The following ZNF525 variants were observed in gnomAD, a reference collection of about 807,000 sequenced individuals.
ZNF525 encodes the protein zinc finger protein 525.
Under a neutral mutation model 37.6 loss-of-function variants are expected in ZNF525, and 33 were observed. The ratio of observed to expected loss-of-function variants is 0.88; its 90% CI spans 0.67 to 1.17. ZNF525 has a LOEUF of 1.17. Among genes scored for constraint, ZNF525 ranks in the 50% most tolerant of loss-of-function variants. The pLI is 0.00. For synonymous variants in ZNF525, 170 were observed against 182.3 expected (o/e 0.93, Z 0.54); for missense variants, 449 against 543.1 (o/e 0.83, Z 1.72).
Position 53,383,079 on chromosome 19 carries a change from A to C in ZNF525, c.*1060A>C. On this transcript the variant is annotated 3_prime_UTR_variant, in exon 4 of 4. Transcript: ENST00000474037. ...GGAGAGAACGCTTGCAAGTGTAATA[A>C]ATGTGGCGAGGTTTTTAATCAACAA... 1 of 1,406,172 alleles carries C rather than the reference A, an allele frequency of 7.1e-7. No individual in the cohort carries two copies. The highest frequency in any genetic ancestry group is 1.1e-5 in the South Asian group (1 of 87,032). The allele number at this position is 1,406,172 out of a possible 1,614,324, so 87.1% of individuals were successfully genotyped here. A position where few individuals can be genotyped will look rare whatever the true frequency, so the allele number is the denominator to read the frequency against.
chr19:53,378,919 T>C (rs973104310), intron 3 of ZNF525, among the ~76,000 whole-genome samples: 1 of 152,222 alleles, frequency 6.6e-6, no homozygotes, highest in Non-Finnish European at 1.5e-5. Context: ...TTTTATTGTT[T>C]AATTTGTTTC....
chr19:53,375,272 T>C (rs2085513397), intron 2 of ZNF525, among the ~76,000 whole-genome samples: 2 of 152,170 alleles, frequency 1.3e-5, no homozygotes, highest in Non-Finnish European at 2.9e-5. Context: ...AGATACTGAA[T>C]GTCACTTAGT....
rs962125081 is a variant in ZNF525 at position 53,384,634 on chromosome 19, G to T, written c.*2615G>T. On this transcript the variant is annotated 3_prime_UTR_variant, in exon 4 of 4. Coordinates refer to ENST00000474037, the MANE Select transcript of ZNF525 (RefSeq NM_001348156.2). ...GGAAATTCAACTAATTTTTGGTGCT[G>T]ATACTGTATTGTGCAAATCCACTGA... The T allele has an allele frequency of 6.9e-5, 14 of 203,150 alleles. No individual in the cohort carries two copies. Among genetic ancestry groups the T allele is most frequent in the Non-Finnish European group, 1.2e-4 (12 of 102,146 alleles). 12.6% of individuals were successfully genotyped at this position (203,150 alleles called of 1,614,324 possible). A position where few individuals can be genotyped will look rare whatever the true frequency, so the allele number is the denominator to read the frequency against.
chr19:53,372,341 GA>G (rs1023710612), intron 2 of ZNF525, 45 bp downstream of exon 2: 3 of 761,646 alleles, frequency 3.9e-6, no homozygotes, highest in Non-Finnish European at 7.2e-6. Flanking sequence ...CTTCCTTTCA[GA>G]AATGCTGACC....
At chr19:53,368,125 G>A (rs1340515887) in intron 1 of ZNF525, among the ~76,000 whole-genome samples, 2 of 152,082 alleles carry the variant, frequency 1.3e-5, no homozygotes, top group Admixed American at 1.3e-4. Context: ...AAGAAAGATG[G>A]TCTGATTGTT....
In ZNF525 at chr19:53,376,178, G is replaced by A. The variant is rs550440842; in HGVS notation, c.142+282G>A. 86 of 768,448 alleles carry A rather than the reference G, an allele frequency of 1.1e-4. No individual in the cohort carries two copies. The African/African-American group carries it at 1.3e-3, about 12-fold the overall frequency. 47.6% of individuals were successfully genotyped at this position (768,448 alleles called of 1,614,324 possible). On this transcript the variant is annotated intron_variant, in intron 3 of 3. Transcript: ENST00000474037. Reference sequence around the variant, plus strand: ...GTTGAAGTTGGTCTTGATCTCCTGGGCTCAAGACATCCTCCTCGGCCTCCC... The same window carrying A: ...GTTGAAGTTGGTCTTGATCTCCTGGACTCAAGACATCCTCCTCGGCCTCCC...
Position 53,383,458 on chromosome 19 carries a change from A to G in ZNF525, c.*1439A>G. ...AAATCAAACCTCGAAAGACAGGAGA[A>G]TTCATACTGGAGAGAAACCATAAAA... On this transcript the variant is annotated 3_prime_UTR_variant, in exon 4 of 4. Coordinates refer to ENST00000474037, the MANE Select transcript of ZNF525 (RefSeq NM_001348156.2). The G allele has an allele frequency of 2.9e-6, 3 of 1,023,010 alleles. No homozygotes were observed. In the South Asian group the frequency reaches 3.8e-5, roughly 13 times the overall value. 63.4% of individuals were successfully genotyped at this position (1,023,010 alleles called of 1,614,324 possible).
Position 53,366,122 on chromosome 19 carries a change from A to C in ZNF525, c.-68+363A>C, listed in dbSNP as rs554476820. Among the ~76,000 whole-genome samples, 356 of 151,864 alleles carry C rather than the reference A, an allele frequency of 2.3e-3. 1 individual carries two copies. Among genetic ancestry groups the C allele is most frequent in the Non-Finnish European group, 3.5e-3 (235 of 67,890 alleles). On this transcript the variant is annotated intron_variant, in intron 1 of 3. Coordinates refer to ENST00000474037, the MANE Select transcript of ZNF525 (RefSeq NM_001348156.2). ...TCGCCCTCGTCGGCCCCTAGAGCGC[A>C]GCGTCGCAGCTCCGGTCCCGGGGAG...
Position 53,383,293 on chromosome 19 carries a change from A to T in ZNF525, c.*1274A>T. ...ACAATTCAGTCCTTGTAATTCATAA[A>T]ACAATTCATACTGGAGAGAAACAAG... On this transcript the variant is annotated 3_prime_UTR_variant, in exon 4 of 4. Coordinates refer to ENST00000474037, the MANE Select transcript of ZNF525 (RefSeq NM_001348156.2). 2 of 1,372,478 alleles carry T rather than the reference A, an allele frequency of 1.5e-6. No homozygotes were observed. The highest frequency in any genetic ancestry group is 3.2e-5 in the East Asian group (1 of 30,810). The allele number at this position is 1,372,478 out of a possible 1,614,324, so 85.0% of individuals were successfully genotyped here.
Position 53,381,517 on chromosome 19 carries a change from C to G in ZNF525, c.938C>G (p.Ala313Gly). 1 of 1,280,232 alleles carries G rather than the reference C, an allele frequency of 7.8e-7. No homozygotes were observed. The highest frequency in any genetic ancestry group is 1.1e-6 in the Non-Finnish European group (1 of 876,034). The allele number at this position is 1,280,232 out of a possible 1,614,324, so 79.3% of individuals were successfully genotyped here. A position where few individuals can be genotyped will look rare whatever the true frequency, so the allele number is the denominator to read the frequency against. Residue 313 changes from alanine to glycine, a missense_variant, in exon 4 of 4, where the codon GCC (alanine) becomes GGC (glycine). Around this residue, in one of 2 missense-constraint regions of ZNF525, gnomAD observed 178 missense variants for 161.5 expected, o/e 1.10. Coordinates refer to ENST00000474037, the MANE Select transcript of ZNF525 (RefSeq NM_001348156.2). ...GACAAAGCTTTCAGACACAATTCAGCCCTTCAAAGACATAGGAGAATTCAT... is the reference window on the plus strand; with the variant it reads ...GACAAAGCTTTCAGACACAATTCAGGCCTTCAAAGACATAGGAGAATTCAT... ...ECDKAFRHNSALQRHRRIHTG... is the reference protein window; with the variant it reads ...ECDKAFRHNSGLQRHRRIHTG...
Position 53,386,500 on chromosome 19 carries a change from G to A in ZNF525, c.*4481G>A. 2 of 592,722 alleles carry A rather than the reference G, an allele frequency of 3.4e-6. No homozygotes were observed. Among genetic ancestry groups the A allele is most frequent in the Non-Finnish European group, 3.1e-6 (1 of 325,272 alleles). 36.7% of individuals were successfully genotyped at this position (592,722 alleles called of 1,614,324 possible). A position where few individuals can be genotyped will look rare whatever the true frequency, so the allele number is the denominator to read the frequency against. On this transcript the variant is annotated 3_prime_UTR_variant, in exon 4 of 4. Coordinates refer to ENST00000474037, the MANE Select transcript of ZNF525 (RefSeq NM_001348156.2). ...TCTGGACAGTTGGACATGTTTTATTGGGAATATGTTTTTTCTCTGTAAATT... is the reference window on the plus strand; with the variant it reads ...TCTGGACAGTTGGACATGTTTTATTAGGAATATGTTTTTTCTCTGTAAATT...
chr19:53,381,613 A>T lies in ZNF525; in HGVS notation c.1034A>T (p.His345Leu). Residue 345 changes from histidine (H) to leucine (L), a missense_variant, in exon 4 of 4, where the codon CAT becomes CTT. By Grantham distance (99) the His-to-Leu change is moderately conservative. Transcript: ENST00000474037. ...TFSQKSYLAC[H>L]RSIHTGKKPY... ...AGTCAGAAGTCATACCTTGCATGCC[A>T]TCGTAGCATTCATACTGGAAAGAAA... The T allele has an allele frequency of 9.1e-7, 1 of 1,103,762 alleles. No individual in the cohort carries two copies. Among genetic ancestry groups the T allele is most frequent in the Non-Finnish European group, 1.4e-6 (1 of 713,680 alleles). The allele number at this position is 1,103,762 out of a possible 1,614,324, so 68.4% of individuals were successfully genotyped here. A position where few individuals can be genotyped will look rare whatever the true frequency, so the allele number is the denominator to read the frequency against.
intron 3 of ZNF525, among the ~76,000 whole-genome samples, chr19:53,377,338 T>C (rs2085529510): frequency 6.7e-6 from 1 of 150,082 alleles, no homozygotes; most frequent in East Asian, 2.1e-4. Flanking sequence ...CCACCATGCC[T>C]GGCTAATTTT....
At position 53,382,787 on chromosome 19, in the gene ZNF525, G is replaced by C; in HGVS notation, c.*768G>C. ...ACATCGTTCATACCTTGCAGTTCAC[G>C]GGCGAACTCATGCTGGAGAGAAACC... On this transcript the variant is annotated 3_prime_UTR_variant, in exon 4 of 4. Coordinates refer to ENST00000474037, the MANE Select transcript of ZNF525 (RefSeq NM_001348156.2). The C allele has an allele frequency of 9.3e-7, 1 of 1,079,268 alleles. No homozygotes were observed. 66.9% of individuals were successfully genotyped at this position (1,079,268 alleles called of 1,614,324 possible). A position where few individuals can be genotyped will look rare whatever the true frequency, so the allele number is the denominator to read the frequency against.
rs1555826371 is a variant in ZNF525 at position 53,367,313 on chromosome 19, A to ATT, written c.-68+1564_-68+1565dup. Among the ~76,000 whole-genome samples, 14 of 76,488 alleles carry ATT rather than the reference A, an allele frequency of 1.8e-4. No individual in the cohort carries two copies. The South Asian group carries it at 5.8e-3, about 31-fold the overall frequency. 50.2% of individuals were successfully genotyped at this position (76,488 alleles called of 152,430 possible). On this transcript the variant is annotated intron_variant, in intron 1 of 3. Transcript: ENST00000474037. ...TACTATTCTTGGAGTGAATGAATAC[A>ATT]TTTTTTTTTTTAAATTTCTGCTTCA...
chr19:53,383,163 A>T lies in ZNF525; in HGVS notation c.*1144A>T. ...GGAGAGAAACATTACAAGTGTAATG[A>T]GTGTGGCAAGACCTACTCTCACAAT... On this transcript the variant is annotated 3_prime_UTR_variant, in exon 4 of 4. Coordinates refer to ENST00000474037, the MANE Select transcript of ZNF525 (RefSeq NM_001348156.2). The T allele has an allele frequency of 7.5e-7, 1 of 1,330,922 alleles. No individual in the cohort carries two copies. The highest frequency in any genetic ancestry group is 1.2e-5 in the South Asian group (1 of 85,784). The allele number at this position is 1,330,922 out of a possible 1,614,324, so 82.4% of individuals were successfully genotyped here.
At chr19:53,380,693 GT>G in intron 3 of ZNF525, 28 bp from the exon 4 acceptor site, 1 of 985,164 alleles carries the variant, frequency 1.0e-6, no homozygotes, top group African/African-American at 1.6e-5. Context: ...ATTGTCTTTT[GT>G]GTACCTATTA....
At chr19:53,368,495 T>TA (rs1282153261) in intron 1 of ZNF525, among the ~76,000 whole-genome samples, 1 of 152,130 alleles carries the variant, frequency 6.6e-6, no homozygotes, top group Non-Finnish European at 1.5e-5. Context: ...AAGAGTCAGT[T>TA]AGAGTTAAAT....
chr19:53,384,145 A>T lies in ZNF525; in HGVS notation c.*2126A>T. 2.5e-6 allele frequency: 1 copy of T among 407,926 alleles called. No individual in the cohort carries two copies. The highest frequency in any genetic ancestry group is 2.1e-5 in the African/African-American group (1 of 47,918). 25.3% of individuals were successfully genotyped at this position (407,926 alleles called of 1,614,324 possible). A position where few individuals can be genotyped will look rare whatever the true frequency, so the allele number is the denominator to read the frequency against. On this transcript the variant is annotated 3_prime_UTR_variant, in exon 4 of 4. Coordinates refer to ENST00000474037, the MANE Select transcript of ZNF525 (RefSeq NM_001348156.2). ...TCAGCATTGACTTGAGTTTGAGTTGACTTAACATTGAGTTCAAGCCTTAAT... is the reference window on the plus strand; with the variant it reads ...TCAGCATTGACTTGAGTTTGAGTTGTCTTAACATTGAGTTCAAGCCTTAAT...
Sources: gnomAD v4.1 joint callset for allele counts (sites outside exome capture counted in the v4.1 genomes callset) on GRCh38, gnomAD v4.1.1 for gene constraint, gnomAD v4.1.1 regional missense constraint, MANE v1.5 for transcripts, NCBI Gene and HGNC (gene_info 2026-07-23, HGNC 2026-07-21) for gene names.